ITGB3BP: variants seen among roughly 807,000 people sequenced by gnomAD.
ITGB3BP encodes the protein centromere protein R.
Under a neutral mutation model 29.1 loss-of-function variants are expected in ITGB3BP, and 27 were observed. The observed-to-expected ratio is 0.93, with a 90% confidence interval of 0.68 to 1.28. The LOEUF (loss-of-function observed/expected upper bound fraction) is 1.28, where lower values mean the gene tolerates loss of function less well. Among genes scored for constraint, ITGB3BP ranks in the 50% most tolerant of loss-of-function variants. ITGB3BP has a pLI of 0.00. For missense variants in ITGB3BP, 192 were observed against 200.2 expected (o/e 0.96, Z 0.25); for synonymous variants, 61 against 61.4 (o/e 0.99, Z 0.03).
intron 4 of ITGB3BP, among the ~76,000 whole-genome samples, chr1:63,469,407 A>C (rs1645157288): frequency 6.6e-6 from 1 of 151,414 alleles, no homozygotes; most frequent in Non-Finnish European, 1.5e-5. Flanking sequence ...GCTCACCACA[A>C]CCTCTGCCTC....
intron 4 of ITGB3BP, among the ~76,000 whole-genome samples, chr1:63,464,545 A>T (rs1645069182): frequency 6.6e-6 from 1 of 152,204 alleles, no homozygotes; most frequent in Non-Finnish European, 1.5e-5. Flanking sequence ...ATAAATATAG[A>T]TATGATGGAG....
intron 4 of ITGB3BP, among the ~76,000 whole-genome samples, chr1:63,461,200 G>T (rs2100536280): frequency 7.8e-6 from 1 of 128,746 alleles, no homozygotes; most frequent in South Asian, 2.6e-4. Context: ...CTTGCAGTAA[G>T]CCAAGATTGC....
chr1:63,449,338 T>A (rs1255787716), intron 7 of ITGB3BP: 1 of 152,526 alleles, frequency 6.6e-6, no homozygotes, highest in Non-Finnish European at 1.5e-5. Flanking sequence ...CTAATTGCTA[T>A]TAAGTGAGTC....
At chr1:63,463,366 A>G (rs1645050012) in intron 4 of ITGB3BP, among the ~76,000 whole-genome samples, 1 of 151,986 alleles carries the variant, frequency 6.6e-6, no homozygotes, top group Admixed American at 6.6e-5. Flanking sequence ...ATAAAATTGC[A>G]CAGAACTAAA....
upstream of ITGB3BP, among the ~76,000 whole-genome samples, chr1:63,525,065 A>G (rs994625018): frequency 1.3e-5 from 2 of 152,156 alleles, no homozygotes; most frequent in South Asian, 4.1e-4. Context: ...TCATATCCCG[A>G]TTCTCATTAT....
chr1:63,502,882 ATG>A (rs1473412971), intron 2 of ITGB3BP, among the ~76,000 whole-genome samples: 1 of 152,114 alleles, frequency 6.6e-6, no homozygotes, highest in Non-Finnish European at 1.5e-5. Context: ...CATGGTGCAT[ATG>A]TGACACATTT....
At chr1:63,495,276 G>A (rs1645759546) in intron 2 of ITGB3BP, among the ~76,000 whole-genome samples, 1 of 152,068 alleles carries the variant, frequency 6.6e-6, no homozygotes, top group South Asian at 2.1e-4. Flanking sequence ...AATTGACCCA[G>A]TATTTTAAAA....
At chr1:63,488,532 C>T (rs947068163) in intron 3 of ITGB3BP, among the ~76,000 whole-genome samples, 9 of 151,880 alleles carry the variant, frequency 5.9e-5, no homozygotes, top group East Asian at 1.9e-4. Context: ...TGACTTCATA[C>T]GTCATATTTT....
At chr1:63,517,495 A>T (rs1244631128) in intron 1 of ITGB3BP, among the ~76,000 whole-genome samples, 1 of 152,024 alleles carries the variant, frequency 6.6e-6, no homozygotes, top group Non-Finnish European at 1.5e-5. Context: ...GAGGTCTTGC[A>T]TGTCTTATGC....
chr1:63,497,954 T>C (rs149712690), intron 2 of ITGB3BP, among the ~76,000 whole-genome samples: 34 of 151,724 alleles, frequency 2.2e-4, no homozygotes, highest in Middle Eastern at 3.4e-3. Context: ...GAAAATACAA[T>C]GAATAAATAC....
At chr1:63,479,074 TAAAGAGA>T (rs932013516) in intron 3 of ITGB3BP, among the ~76,000 whole-genome samples, 11 of 152,148 alleles carry the variant, frequency 7.2e-5, no homozygotes, top group Non-Finnish European at 1.2e-4. Context: ...GTTGGTATAT[TAAAGAGA>T]AATCAAATAT....
At chr1:63,514,675 T>C (rs2100803261) in intron 1 of ITGB3BP, among the ~76,000 whole-genome samples, 1 of 152,244 alleles carries the variant, frequency 6.6e-6, no homozygotes, top group East Asian at 1.9e-4. Flanking sequence ...TGGCTGGGCA[T>C]GGTGGCTCAC....
At chr1:63,515,820 C>A (rs2100810174) in intron 1 of ITGB3BP, among the ~76,000 whole-genome samples, 3 of 94,812 alleles carry the variant, frequency 3.2e-5, no homozygotes, top group African/African-American at 4.3e-5. Context: ...AGCAAGACTC[C>A]AACTTAAAAA....
chr1:63,500,116 G>A (rs537620120), intron 2 of ITGB3BP, among the ~76,000 whole-genome samples: 22 of 152,298 alleles, frequency 1.4e-4, no homozygotes, highest in Middle Eastern at 3.4e-3. Flanking sequence ...TGTGACTCAC[G>A]CCTGTAATCC....
At chr1:63,506,701 C>T (rs1646088594) in intron 2 of ITGB3BP, among the ~76,000 whole-genome samples, 1 of 152,102 alleles carries the variant, frequency 6.6e-6, no homozygotes, top group South Asian at 2.1e-4. Context: ...TGGATATGGC[C>T]ATTGCTTAGG....
At position 63,454,039 on chromosome 1, in the gene ITGB3BP, C is replaced by T. The variant is rs1327639814; in HGVS notation, c.428-65G>A. 3 of 842,910 alleles carry T rather than the reference C, an allele frequency of 3.6e-6. No homozygotes were observed. The highest frequency in any genetic ancestry group is 5.8e-6 in the Non-Finnish European group (3 of 517,504). 52.2% of individuals were successfully genotyped at this position (842,910 alleles called of 1,614,324 possible). On this transcript the variant is annotated intron_variant, in intron 6 of 8. Transcript: ENST00000271002. This position sits in a 1 kb window ranked among gnomAD's most constrained non-coding sequence, Gnocchi z 4.1. ...AATATGGATAATTTCTCAATACTTG[C>T]AACAAACAACTTCATGAGAAAAAAA...
chr1:63,489,974 G>A (rs1451395285), intron 3 of ITGB3BP, 109 bp downstream of exon 3: 8 of 921,472 alleles, frequency 8.7e-6, no homozygotes, highest in African/African-American at 1.7e-5. Flanking sequence ...TTATTTGAGA[G>A]AAGAGAAAAA....
chr1:63,500,928 G>T (rs558634671), intron 2 of ITGB3BP, among the ~76,000 whole-genome samples: 18 of 152,252 alleles, frequency 1.2e-4, no homozygotes, highest in African/African-American at 1.9e-4. Flanking sequence ...CAGTAATGAA[G>T]ACCGCATGGT....
At chr1:63,472,808 G>C (rs374847477) in intron 4 of ITGB3BP, among the ~76,000 whole-genome samples, 5 of 151,984 alleles carry the variant, frequency 3.3e-5, no homozygotes, top group Non-Finnish European at 5.9e-5. Flanking sequence ...GTGCAGTGGC[G>C]TGATCTCGGC....
Sources: gnomAD v4.1 joint callset for allele counts (sites outside exome capture counted in the v4.1 genomes callset) on GRCh38, gnomAD v4.1.1 for gene constraint, Gnocchi (gnomAD v3.1) non-coding constraint, MANE v1.5 for transcripts, NCBI Gene and HGNC (gene_info 2026-07-23, HGNC 2026-07-21) for gene names.